Variants in CHN2 observed in about 807,000 individuals in gnomAD.
CHN2 encodes beta-chimaerin.
Under a neutral mutation model 56.3 loss-of-function variants are expected in CHN2, and 35 were observed. That is an observed-to-expected ratio of 0.62 (90% CI 0.47 to 0.82). The LOEUF (loss-of-function observed/expected upper bound fraction) is 0.82, where lower values mean the gene tolerates loss of function less well. Among genes scored for constraint, CHN2 ranks in the 40% least tolerant of loss-of-function variants. The probability of loss-of-function intolerance (pLI) is 0.00; values close to 1 mark genes in which losing one functional copy is unlikely to be tolerated. For missense variants in CHN2, 491 were observed against 580.5 expected (o/e 0.85, Z 1.58); for synonymous variants, 210 against 212.8 (o/e 0.99, Z 0.12).
chr7:29,371,847 T>C lies in CHN2; in HGVS notation c.144+3860T>C, dbSNP rs1799640564. On this transcript the variant is annotated intron_variant, in intron 3 of 12. Coordinates refer to ENST00000222792, the MANE Select transcript of CHN2 (RefSeq NM_004067.4). ...AGTCTATCTCCAAATATATCTCGCA[T>C]TGTCCACTGTACTCTATCCCCATGA... Among the ~76,000 whole-genome samples, 3 of 152,194 alleles carry C rather than the reference T, an allele frequency of 2.0e-5. No homozygotes were observed. The South Asian group carries it at 6.2e-4, about 32-fold the overall frequency.
intron 7 of CHN2, among the ~76,000 whole-genome samples, chr7:29,486,565 T>G (rs1365159008): frequency 2.6e-5 from 4 of 152,090 alleles, no homozygotes; most frequent in Non-Finnish European, 5.9e-5. Flanking sequence ...TCTGTCCCAG[T>G]TCACTACAGC....
At chr7:29,194,735 G>T (rs1783408143), upstream of CHN2, 2 of 443,418 alleles carry the variant, frequency 4.5e-6, no homozygotes, top group Non-Finnish European at 7.7e-6. Flanking sequence ...GAGCGGGACG[G>T]AAACCACAAA....
intron 7 of CHN2, 126 bp downstream of exon 7, chr7:29,480,482 A>C (rs1335372141): frequency 2.9e-6 from 3 of 1,019,830 alleles, no homozygotes; most frequent in Non-Finnish European, 4.4e-6. Context: ...TTCCACATTT[A>C]GCTATAAGCT....
At chr7:29,269,243 C>G (rs1309483163) in intron 1 of CHN2, among the ~76,000 whole-genome samples, 4 of 152,334 alleles carry the variant, frequency 2.6e-5, no homozygotes, top group East Asian at 1.9e-4. Flanking sequence ...TCATTCTACT[C>G]TCTATCTCCA....
chr7:29,190,271 C>T (rs1286870304), upstream of CHN2, among the ~76,000 whole-genome samples: 1 of 152,148 alleles, frequency 6.6e-6, no homozygotes, highest in African/African-American at 2.4e-5. Flanking sequence ...AGAGTACTTG[C>T]CATAAAATAT....
At chr7:29,252,591 T>TGTTTTG (rs1352958729) in intron 1 of CHN2, among the ~76,000 whole-genome samples, 9 of 25,094 alleles carry the variant, frequency 3.6e-4, no homozygotes, top group East Asian at 4.4e-3. Flanking sequence ...TTTTTTTTTT[T>TGTTTTG]TTTTTTTTTT....
At chr7:29,512,458 C>T in intron 12 of CHN2, 106 bp from the exon 13 acceptor site, 1 of 957,774 alleles carries the variant, frequency 1.0e-6, no homozygotes. Flanking sequence ...CTTTTTCTTG[C>T]AATTTCCTGA....
chr7:29,276,985 C>T (rs963570224), intron 1 of CHN2, among the ~76,000 whole-genome samples: 7 of 152,202 alleles, frequency 4.6e-5, no homozygotes, highest in Non-Finnish European at 7.3e-5. Context: ...CCTGGCTCAG[C>T]TGATGAAGGT....
chr7:29,299,778 T>C (rs1269740271), intron 1 of CHN2, among the ~76,000 whole-genome samples: 2 of 152,162 alleles, frequency 1.3e-5, no homozygotes, highest in African/African-American at 4.8e-5. Flanking sequence ...AATACTGAGC[T>C]AGAAACACAA....
At chr7:29,295,887 G>T (rs1793114509) in intron 1 of CHN2, among the ~76,000 whole-genome samples, 1 of 152,208 alleles carries the variant, frequency 6.6e-6, no homozygotes, top group South Asian at 2.1e-4. Context: ...AGCCAGCAGG[G>T]TCTTGTGGGA....
intron 2 of CHN2, among the ~76,000 whole-genome samples, chr7:29,360,986 G>T (rs1345618781): frequency 6.6e-6 from 1 of 152,218 alleles, no homozygotes; most frequent in African/African-American, 2.4e-5. Context: ...GTGTTCCCCA[G>T]TGGCTGCCAC....
intron 1 of CHN2, among the ~76,000 whole-genome samples, chr7:29,268,305 C>CACACACACACACACACACAG (rs1484891218): frequency 7.3e-5 from 11 of 150,436 alleles, no homozygotes; most frequent in Non-Finnish European, 1.6e-4. Flanking sequence ...CACACACACA[C>CACACACACACACACACACAG]ACACACACAC....
At chr7:29,434,531 A>C (rs145217173) in intron 6 of CHN2, among the ~76,000 whole-genome samples, 1 of 151,810 alleles carries the variant, frequency 6.6e-6, no homozygotes, top group African/African-American at 2.4e-5. Context: ...CCTCATTCCA[A>C]TCTCTGCCTC....
intron 2 of CHN2, among the ~76,000 whole-genome samples, chr7:29,163,050 T>G (rs955221092): frequency 7.2e-5 from 11 of 152,358 alleles, no homozygotes; most frequent in African/African-American, 2.6e-4. Flanking sequence ...ACTATAGTTA[T>G]GTAAAACGTT....
intron 1 of CHN2, among the ~76,000 whole-genome samples, chr7:29,256,539 C>T (rs980324836): frequency 5.1e-4 from 78 of 152,280 alleles, no homozygotes; most frequent in African/African-American, 1.6e-3. Flanking sequence ...TTTAGTTGTT[C>T]GTTTCTGACC....
chr7:29,367,671 CAAT>C (rs1475964132), intron 2 of CHN2, among the ~76,000 whole-genome samples: 1 of 152,082 alleles, frequency 6.6e-6, no homozygotes, highest in Non-Finnish European at 1.5e-5. Context: ...ATAAAATGAA[CAAT>C]GCCAGTAACA....
intron 2 of CHN2, among the ~76,000 whole-genome samples, chr7:29,172,500 A>G (rs1464473214): frequency 6.6e-6 from 1 of 152,220 alleles, no homozygotes; most frequent in Non-Finnish European, 1.5e-5. Context: ...AAGCCTTCAG[A>G]TTCAGGAAAA....
chr7:29,178,615 C>T (rs550401229), intron 2 of CHN2, among the ~76,000 whole-genome samples: 1 of 152,050 alleles, frequency 6.6e-6, no homozygotes, highest in African/African-American at 2.4e-5. Flanking sequence ...TTAAAAAAAG[C>T]AGTTCATTGT....
chr7:29,384,761 A>G (rs983610630), intron 3 of CHN2, among the ~76,000 whole-genome samples: 12 of 152,180 alleles, frequency 7.9e-5, no homozygotes, highest in Admixed American at 1.3e-4. Flanking sequence ...AGAAAACATG[A>G]CTTCTCTGAG....
Sources: allele counts gnomAD v4.1 joint callset (sites outside exome capture counted in the v4.1 genomes callset), GRCh38; gene constraint gnomAD v4.1.1; transcripts MANE v1.5; gene names NCBI Gene and HGNC (gene_info 2026-07-23, HGNC 2026-07-21).